CARF: variants seen among roughly 807,000 people sequenced by gnomAD.
The protein encoded by CARF is calcium-responsive transcription factor.
CARF carries 57 observed loss-of-function variants against 82.0 expected under a neutral mutation model. The observed-to-expected ratio is 0.70, with a 90% CI of 0.56 to 0.87. The LOEUF (loss-of-function observed/expected upper bound fraction) is 0.87, where lower values mean the gene tolerates loss of function less well. CARF is among the 40% of genes least tolerant of loss of function. The probability of loss-of-function intolerance (pLI) is 0.00; values close to 1 mark genes in which losing one functional copy is unlikely to be tolerated. For missense variants in CARF, 771 were observed against 855.8 expected (o/e 0.90, Z 1.24); for synonymous variants, 268 against 290.1 (o/e 0.92, Z 0.77).
At position 202,955,841 on chromosome 2, in the gene CARF, C is replaced by T. The variant is rs2059010428; in HGVS notation, c.642+83C>T. ...CCCCAAATGCCACTTTTGAGTACAA[C>T]TAATATAGTCTATAGTTACAGTATT... On this transcript the variant is annotated intron_variant, in intron 8 of 16. Transcript: ENST00000438828. 3.5e-6 allele frequency: 3 copies of T among 847,412 alleles called. No homozygotes were observed. In the East Asian group the frequency reaches 7.6e-5, roughly 21 times the overall value. 52.5% of individuals were successfully genotyped at this position (847,412 alleles called of 1,614,324 possible).
chr2:202,932,307 C>T (rs971409757), intron 3 of CARF, among the ~76,000 whole-genome samples: 16 of 152,086 alleles, frequency 1.1e-4, no homozygotes, highest in Admixed American at 8.5e-4. Flanking sequence ...TGTTATGGCA[C>T]CTGAGTTTTG....
Position 202,981,596 on chromosome 2 carries a change from A to G in CARF, c.1600A>G (p.Asn534Asp). 3 of 1,608,682 alleles carry G rather than the reference A, an allele frequency of 1.9e-6. No individual in the cohort carries two copies. The highest frequency in any genetic ancestry group is 2.5e-6 in the Non-Finnish European group (3 of 1,176,698). Residue 534 changes from asparagine (N) to aspartate (D), a missense_variant, in exon 15 of 17, where the codon AAT becomes GAT. By Grantham distance (23) the Asn-to-Asp change is conservative (BLOSUM62 1). Coordinates refer to ENST00000438828, the MANE Select transcript of CARF (RefSeq NM_024744.17). ...ATCAATTACCACCAAAGTGGAAACAAATCAGACCAGGGGTTCTTTGTCTCC... is the reference window on the plus strand; with the variant it reads ...ATCAATTACCACCAAAGTGGAAACAGATCAGACCAGGGGTTCTTTGTCTCC... ...GESITTKVET[N>D]QTRGSLSPEP...
At chr2:202,927,235 A>C (rs981848718) in intron 3 of CARF, among the ~76,000 whole-genome samples, 1 of 152,054 alleles carries the variant, frequency 6.6e-6, no homozygotes, top group South Asian at 2.1e-4. Context: ...TCATTGAATT[A>C]CATCCTTTAA....
At chr2:202,964,353 C>T (rs1055801216) in intron 9 of CARF, among the ~76,000 whole-genome samples, 3 of 152,106 alleles carry the variant, frequency 2.0e-5, no homozygotes, top group Non-Finnish European at 4.4e-5. Context: ...GATCTCAGCT[C>T]ACTGCAATCT....
At chr2:202,936,905 T>G (rs923046714) in intron 3 of CARF, among the ~76,000 whole-genome samples, 3 of 152,234 alleles carry the variant, frequency 2.0e-5, no homozygotes, top group South Asian at 2.1e-4. Context: ...ACCCCTATGT[T>G]TTTCTTCTAA....
chr2:202,958,425 A>T (rs1054672002), intron 8 of CARF, among the ~76,000 whole-genome samples: 2 of 152,152 alleles, frequency 1.3e-5, no homozygotes, highest in African/African-American at 4.8e-5. Context: ...AGCATTTATT[A>T]AAACAATCAT....
At chr2:202,979,811 AG>A (rs1389561617) in intron 14 of CARF, among the ~76,000 whole-genome samples, 1 of 151,822 alleles carries the variant, frequency 6.6e-6, no homozygotes, top group Non-Finnish European at 1.5e-5. Flanking sequence ...AAAAAAAAAA[AG>A]AAAGAAAAGA....
At chr2:202,968,409 T>A (rs891521964) in intron 10 of CARF, among the ~76,000 whole-genome samples, 8 of 151,950 alleles carry the variant, frequency 5.3e-5, no homozygotes, top group Non-Finnish European at 8.8e-5. Flanking sequence ...CTCAAAAAAA[T>A]AAAATAAAAT....
intron 3 of CARF, among the ~76,000 whole-genome samples, chr2:202,928,012 C>T (rs911467878): frequency 2.0e-5 from 3 of 152,024 alleles, no homozygotes; most frequent in Non-Finnish European, 2.9e-5. Flanking sequence ...ACTATGTTGT[C>T]CAGGTTGCCT....
At chr2:202,954,257 T>C (rs2058919837) in intron 7 of CARF, 123 bp downstream of exon 7, 1 of 1,148,282 alleles carries the variant, frequency 8.7e-7, no homozygotes, top group African/African-American at 1.6e-5. Context: ...TATCATTGAA[T>C]ATATCTTTAG....
rs753019026 is a variant in CARF, at chr2:202,971,616, A to G, written c.1209A>G (p.Glu403=). The change falls in exon 12 of 17, where the codon GAA becomes GAG. Residue 403 remains glutamate (E), a synonymous_variant. Coordinates refer to ENST00000438828, the MANE Select transcript of CARF (RefSeq NM_024744.17). The stretch of plus-strand genomic sequence containing the variant: ...CTGTGTCTTCTCTTGAAGAAGAGGA[A>G]ACTGCAGTTAGAGATGAGAATTGTG... ...PFPVSSLEEE[E]TAVRDENCAL... is the part of the protein sequence containing the mutation. 9 of 1,613,262 alleles carry G rather than the reference A, an allele frequency of 5.6e-6. No individual in the cohort carries two copies. The South Asian group carries it at 8.8e-5, about 16-fold the overall frequency.
chr2:202,955,416 T>C (rs1345950012), intron 7 of CARF, among the ~76,000 whole-genome samples: 1 of 152,144 alleles, frequency 6.6e-6, no homozygotes, highest in African/African-American at 2.4e-5. Flanking sequence ...TTGGGAGAGA[T>C]ATATGAAACA....
At chr2:202,917,097 G>T (rs1398131530) in intron 1 of CARF, among the ~76,000 whole-genome samples, 1 of 149,144 alleles carries the variant, frequency 6.7e-6, no homozygotes, top group Non-Finnish European at 1.5e-5. Context: ...TGTAGTCCCA[G>T]CTACTTGGGA....
At chr2:202,930,968 CTTTT>C (rs1007407230) in intron 3 of CARF, among the ~76,000 whole-genome samples, 4 of 103,216 alleles carry the variant, frequency 3.9e-5, no homozygotes, top group Non-Finnish European at 8.0e-5. Flanking sequence ...TTTTTCTTTT[CTTTT>C]TTTTTTTTTT....
Position 202,967,017 on chromosome 2 carries a change from G to A in CARF, c.872G>A (p.Arg291Lys). Reference sequence around the variant, plus strand: ...GTAATGGAGTGTCAGTATGGGCCAAGAAGAAAAGGTTTCCAGTTAAAAAAA... The same window carrying A: ...GTAATGGAGTGTCAGTATGGGCCAAAAAGAAAAGGTTTCCAGTTAAAAAAA... The part of the protein sequence containing the change: ...AVVMECQYGP[R>K]RKGFQLKKVS... The change falls in exon 10 of 17, where the codon AGA (arginine) becomes AAA (lysine). Residue 291 changes from arginine to lysine, a missense_variant. Physicochemically the swap from Arg to Lys is conservative, Grantham distance 26. Transcript: ENST00000438828. The A allele has an allele frequency of 1.9e-6, 3 of 1,614,010 alleles. No individual in the cohort carries two copies. Among genetic ancestry groups the A allele is most frequent in the Non-Finnish European group, 2.5e-6 (3 of 1,179,976 alleles).
chr2:202,974,100 C>T (rs1410835353), intron 12 of CARF, among the ~76,000 whole-genome samples: 1 of 152,016 alleles, frequency 6.6e-6, no homozygotes, highest in Non-Finnish European at 1.5e-5. Flanking sequence ...AAAATAATAA[C>T]AAAACTCACT....
chr2:202,952,776 C>A, intron 6 of CARF, 97 bp downstream of exon 6: 4 of 1,217,614 alleles, frequency 3.3e-6, no homozygotes, highest in Admixed American at 2.4e-5. Context: ...AAGTTGATTT[C>A]TTTAGGTAAA....
intron 1 of CARF, among the ~76,000 whole-genome samples, chr2:202,917,661 G>C (rs1689996034): frequency 6.6e-6 from 1 of 152,092 alleles, no homozygotes; most frequent in South Asian, 2.1e-4. Context: ...TTTTAGACAA[G>C]GAAACAGGCA....
rs1280028979 is a variant in CARF at position 202,983,835 on chromosome 2, T to C, written c.*211T>C. 1.5e-5 allele frequency: 7 copies of C among 470,000 alleles called. No individual in the cohort carries two copies. The highest frequency in any genetic ancestry group is 2.6e-5 in the Non-Finnish European group (7 of 270,956). 29.1% of individuals were successfully genotyped at this position (470,000 alleles called of 1,614,324 possible). A position where few individuals can be genotyped will look rare whatever the true frequency, so the allele number is the denominator to read the frequency against. ...CTCTTCTTATTTTGTATAATTTTTA[T>C]GCTCTTTGATTATCTAATAAGGCCA... On this transcript the variant is annotated 3_prime_UTR_variant, in exon 17 of 17. Transcript: ENST00000438828.
Sources: gnomAD v4.1 joint callset for allele counts (sites outside exome capture counted in the v4.1 genomes callset) on GRCh38, gnomAD v4.1.1 for gene constraint, MANE v1.5 for transcripts, NCBI Gene and HGNC (gene_info 2026-07-23, HGNC 2026-07-21) for gene names.